Variants in HS3ST5 observed in about 807,000 individuals in gnomAD.
The protein encoded by HS3ST5 is heparan sulfate-glucosamine 3-sulfotransferase 5, also known as heparan sulfate glucosamine 3-O-sulfotransferase 5.
In HS3ST5, 10 loss-of-function variants were observed where a neutral mutation model predicts 25.4. The observed-to-expected ratio is 0.39, with a 90% CI of 0.24 to 0.67. The LOEUF is 0.67. HS3ST5 is among the 30% of genes least tolerant of loss of function. The probability of loss-of-function intolerance (pLI) is 0.44; values close to 1 mark genes in which losing one functional copy is unlikely to be tolerated. For synonymous variants in HS3ST5, 170 were observed against 162.4 expected (o/e 1.05, Z -0.36); for missense variants, 324 against 420.7 (o/e 0.77, Z 2.01).
intron 1 of HS3ST5, among the ~76,000 whole-genome samples, chr6:114,301,826 C>T (rs1212495232): frequency 1.3e-5 from 2 of 152,154 alleles, no homozygotes; most frequent in Non-Finnish European, 2.9e-5. Context: ...CCACATGCCA[C>T]CATCCACTCA....
At chr6:114,168,310 A>G (rs1207863849) in intron 3 of HS3ST5, 41 bp downstream of exon 3, 1 of 152,174 alleles carries the variant, frequency 6.6e-6, no homozygotes, top group African/African-American at 2.4e-5. Flanking sequence ...AATGCCAGAT[A>G]ATGGACTGCG....
chr6:114,341,174 G>C (rs1776822759), intron 1 of HS3ST5, among the ~76,000 whole-genome samples: 1 of 58,408 alleles, frequency 1.7e-5, no homozygotes, highest in Admixed American at 1.7e-4. Flanking sequence ...GAGGGAGGGA[G>C]GGAGAGGGAG....
chr6:114,094,612 T>C (rs575226539), intron 3 of HS3ST5, among the ~76,000 whole-genome samples: 59 of 152,340 alleles, frequency 3.9e-4, no homozygotes, highest in African/African-American at 1.2e-3. Context: ...CAAGTTATGG[T>C]ATAATATAAT....
intron 3 of HS3ST5, among the ~76,000 whole-genome samples, chr6:114,072,526 A>G (rs1296071845): frequency 6.6e-6 from 1 of 152,150 alleles, no homozygotes; most frequent in African/African-American, 2.4e-5. Flanking sequence ...CCATTTTACT[A>G]TTACCTATGG....
intron 1 of HS3ST5, among the ~76,000 whole-genome samples, chr6:114,315,614 T>G (rs1466870909): frequency 6.6e-6 from 1 of 152,222 alleles, no homozygotes; most frequent in East Asian, 1.9e-4. Context: ...ACTGATGTTT[T>G]GTGACTTAGA....
At chr6:114,323,366 G>T (rs903409176) in intron 1 of HS3ST5, among the ~76,000 whole-genome samples, 1 of 152,006 alleles carries the variant, frequency 6.6e-6, no homozygotes, top group Non-Finnish European at 1.5e-5. Context: ...TTATGTGTTG[G>T]GGGTGATACA....
At chr6:114,113,487 AT>A (rs765965876) in intron 3 of HS3ST5, among the ~76,000 whole-genome samples, 2 of 151,666 alleles carry the variant, frequency 1.3e-5, no homozygotes, top group African/African-American at 2.4e-5. Flanking sequence ...TGTATTTGCT[AT>A]TCCTTCTGCT....
intron 3 of HS3ST5, among the ~76,000 whole-genome samples, chr6:114,123,764 T>A (rs1404780171): frequency 6.6e-6 from 1 of 152,222 alleles, no homozygotes; most frequent in African/African-American, 2.4e-5. Flanking sequence ...ACATACTCAC[T>A]TGCAAGTATA....
chr6:114,062,370 AT>A (rs1398444606), intron 4 of HS3ST5, among the ~76,000 whole-genome samples: 2 of 152,188 alleles, frequency 1.3e-5, no homozygotes, highest in Non-Finnish European at 2.9e-5. Context: ...CCACTCATAA[AT>A]TTCAAAAGAA....
chr6:114,106,072 A>C (rs1224220779), intron 3 of HS3ST5, among the ~76,000 whole-genome samples: 1 of 152,130 alleles, frequency 6.6e-6, no homozygotes, highest in Non-Finnish European at 1.5e-5. Context: ...TATTTAGGGT[A>C]AGTAGATATT....
intron 1 of HS3ST5, among the ~76,000 whole-genome samples, chr6:114,241,132 GTT>G (rs34220294): frequency 0.072 from 8,524 of 117,658 alleles, 246 homozygotes; most frequent in Middle Eastern, 0.13. Flanking sequence ...AGAAAAATCA[GTT>G]TTTTTTTTTT....
At position 114,342,472 on chromosome 6, in the gene HS3ST5, G is replaced by C. The variant is rs545718394; in HGVS notation, c.-616C>G. The C allele has an allele frequency of 9.6e-4, 172 of 179,202 alleles. No individual in the cohort carries two copies. The highest frequency in any genetic ancestry group is 1.3e-3 in the Non-Finnish European group (118 of 90,392). The allele number at this position is 179,202 out of a possible 1,614,324, so 11.1% of individuals were successfully genotyped here. A position where few individuals can be genotyped will look rare whatever the true frequency, so the allele number is the denominator to read the frequency against. The stretch of plus-strand genomic sequence containing the variant: ...CGAGGTCTGAGGCGGGGAGCCGGGC[G>C]GGGGGGCAGGCGGGCGAGAAGTAGT... On this transcript the variant is annotated 5_prime_UTR_variant, in exon 1 of 5. Transcript: ENST00000312719.
chr6:114,170,503 T>C (rs1779429790), intron 2 of HS3ST5, among the ~76,000 whole-genome samples: 1 of 152,194 alleles, frequency 6.6e-6, no homozygotes, highest in African/African-American at 2.4e-5. Context: ...TACTAGGGCT[T>C]TTCTTAGGTG....
chr6:114,340,255 C>T (rs940887577), intron 1 of HS3ST5, among the ~76,000 whole-genome samples: 9 of 152,264 alleles, frequency 5.9e-5, no homozygotes, highest in African/African-American at 2.2e-4. Flanking sequence ...GATCCCAGTA[C>T]TTGCTGTAAT....
intron 1 of HS3ST5, among the ~76,000 whole-genome samples, chr6:114,310,384 T>G (rs1037739550): frequency 6.6e-6 from 1 of 152,178 alleles, no homozygotes; most frequent in Non-Finnish European, 1.5e-5. Flanking sequence ...ATAATTATGC[T>G]TATCTGTAAC....
At chr6:114,188,125 T>C (rs912178913) in intron 2 of HS3ST5, among the ~76,000 whole-genome samples, 2 of 152,160 alleles carry the variant, frequency 1.3e-5, no homozygotes, top group Non-Finnish European at 2.9e-5. Flanking sequence ...ATCTCCGAGG[T>C]ACGCCTGTAC....
At chr6:114,240,718 G>A (rs776386021) in intron 1 of HS3ST5, among the ~76,000 whole-genome samples, 2 of 152,144 alleles carry the variant, frequency 1.3e-5, no homozygotes, top group Admixed American at 6.5e-5. Context: ...ACACAGAGCC[G>A]TAACTGTAGT....
At chr6:114,215,472 C>T (rs780184992) in intron 2 of HS3ST5, among the ~76,000 whole-genome samples, 3 of 152,102 alleles carry the variant, frequency 2.0e-5, no homozygotes, top group Non-Finnish European at 4.4e-5. Context: ...CAACACTCAC[C>T]TACCCTTTTA....
intron 2 of HS3ST5, among the ~76,000 whole-genome samples, chr6:114,193,729 A>G (rs1175107216): frequency 6.6e-6 from 1 of 152,192 alleles, no homozygotes; most frequent in Non-Finnish European, 1.5e-5. Context: ...TATCCCCCAA[A>G]GACAACTACT....
Sources: gnomAD v4.1 joint callset for allele counts (sites outside exome capture counted in the v4.1 genomes callset) on GRCh38, gnomAD v4.1.1 for gene constraint, MANE v1.5 for transcripts, NCBI Gene and HGNC (gene_info 2026-07-23, HGNC 2026-07-21) for gene names.